PBX1: variants seen among roughly 807,000 people sequenced by gnomAD.
PBX1 encodes the protein PBX homeobox 1.
In PBX1, 6 loss-of-function variants were observed where a neutral mutation model predicts 53.4. The observed-to-expected ratio is 0.11, with a 90% CI of 0.06 to 0.22. PBX1 has a LOEUF of 0.22. Ranked by LOEUF, PBX1 falls within the 10% of genes least tolerant of loss-of-function variation. PBX1 has a pLI of 1.00. For missense variants in PBX1, 251 were observed against 551.4 expected (o/e 0.46, Z 5.46); for synonymous variants, 204 against 212.3 (o/e 0.96, Z 0.34).
At chr1:164,670,206 A>G (rs1452848830) in intron 2 of PBX1, among the ~76,000 whole-genome samples, 1 of 152,176 alleles carries the variant, frequency 6.6e-6, no homozygotes, top group Non-Finnish European at 1.5e-5. Flanking sequence ...TCCAGGGGAA[A>G]CTGCCTAGGA....
chr1:164,730,048 T>C (rs1274640669), intron 2 of PBX1, among the ~76,000 whole-genome samples: 1 of 152,204 alleles, frequency 6.6e-6, no homozygotes, highest in Non-Finnish European at 1.5e-5. Flanking sequence ...CCATTTATTG[T>C]TGGGGTAAAC....
intron 2 of PBX1, among the ~76,000 whole-genome samples, chr1:164,655,260 T>C (rs1347210698): frequency 6.6e-6 from 1 of 152,076 alleles, no homozygotes; most frequent in African/African-American, 2.4e-5. Flanking sequence ...ATTACAGGCA[T>C]GCGCCACCAC....
chr1:164,690,935 G>A (rs1376150734), intron 2 of PBX1, among the ~76,000 whole-genome samples: 1 of 152,008 alleles, frequency 6.6e-6, no homozygotes. Flanking sequence ...CCCAAATGAG[G>A]GGGAATCCTT....
intron 2 of PBX1, among the ~76,000 whole-genome samples, chr1:164,574,285 T>A (rs1247825356): frequency 6.6e-6 from 1 of 152,216 alleles, no homozygotes; most frequent in Non-Finnish European, 1.5e-5. Context: ...TACAGAGCAC[T>A]CCATGGTATG....
At chr1:164,626,061 A>G (rs1006799851) in intron 2 of PBX1, 4 of 1,036,122 alleles carry the variant, frequency 3.9e-6, no homozygotes, top group Non-Finnish European at 4.6e-6. Flanking sequence ...CAGCCCACAC[A>G]CCACCACCCC....
downstream of PBX1, chr1:164,851,946 C>T (rs1243578113): frequency 1.3e-5 from 2 of 154,256 alleles, no homozygotes; most frequent in African/African-American, 4.8e-5. Context: ...ACTGAAAAGT[C>T]TACATACTAT....
chr1:164,764,319 C>A (rs531320720), intron 2 of PBX1, among the ~76,000 whole-genome samples: 32 of 152,254 alleles, frequency 2.1e-4, no homozygotes, highest in African/African-American at 7.7e-4. Context: ...GAAAATAGAG[C>A]ACTTATATGT....
At chr1:164,802,738 G>A (rs373081325) in intron 4 of PBX1, among the ~76,000 whole-genome samples, 5 of 151,714 alleles carry the variant, frequency 3.3e-5, no homozygotes, top group Admixed American at 2.6e-4. Flanking sequence ...ACTGTACCAC[G>A]GAAGTTTAAC....
At chr1:164,828,757 A>T (rs1276086649) in intron 8 of PBX1, 2 of 152,116 alleles carry the variant, frequency 1.3e-5, no homozygotes, top group Non-Finnish European at 2.9e-5. Flanking sequence ...AAATAAGGCA[A>T]ATTAATTATG....
At chr1:164,689,061 G>A (rs1302205846) in intron 2 of PBX1, among the ~76,000 whole-genome samples, 4 of 152,208 alleles carry the variant, frequency 2.6e-5, no homozygotes, top group Admixed American at 2.6e-4. Flanking sequence ...TATCGAGCTG[G>A]GGAATGAGTA....
rs376813730 is a variant in PBX1, at chr1:164,754,801, C to T, written c.266-37693C>T. Among the ~76,000 whole-genome samples the T allele has an allele frequency of 2.0e-5, 3 of 152,244 alleles. No homozygotes were observed. In the East Asian group the frequency reaches 5.8e-4, roughly 29 times the overall value. ...TGTTGTAGGTGGTACTCCAGCTCCT[C>T]TGAAGTTTAACTTACCTAGAAGTTG... On this transcript the variant is annotated intron_variant, in intron 2 of 8. Transcript: ENST00000420696.
chr1:164,746,376 TTTCTTC>T (rs1013414435), intron 2 of PBX1, among the ~76,000 whole-genome samples: 2 of 152,066 alleles, frequency 1.3e-5, no homozygotes, highest in African/African-American at 4.8e-5. Context: ...ACTATTCTTT[TTTCTTC>T]TTCTTCTTCT....
chr1:164,624,354 G>A (rs1255670768), intron 2 of PBX1, among the ~76,000 whole-genome samples: 2 of 152,164 alleles, frequency 1.3e-5, no homozygotes, highest in Admixed American at 6.5e-5. Flanking sequence ...TCTGTATTGT[G>A]TCTATCAACA....
At chr1:164,863,608 G>T (rs1056848536) in intron 2 of PBX1, among the ~76,000 whole-genome samples, 6 of 152,214 alleles carry the variant, frequency 3.9e-5, no homozygotes, top group African/African-American at 1.4e-4. Context: ...AATTGAATTT[G>T]TCAACGGGGT....
intron 2 of PBX1, among the ~76,000 whole-genome samples, chr1:164,583,285 A>G (rs1168650767): frequency 1.8e-5 from 2 of 112,096 alleles, no homozygotes; most frequent in East Asian, 1.2e-3. Flanking sequence ...AGAGGCGGGA[A>G]AAAAAAAAAA....
At chr1:164,828,001 G>A (rs1670553023) in intron 8 of PBX1, among the ~76,000 whole-genome samples, 1 of 152,056 alleles carries the variant, frequency 6.6e-6, no homozygotes. Context: ...CTAGACCAAG[G>A]GAACTGACCA....
At chr1:164,707,414 T>TGAGA (rs1335251572) in intron 2 of PBX1, among the ~76,000 whole-genome samples, 3 of 106,696 alleles carry the variant, frequency 2.8e-5, no homozygotes, top group African/African-American at 1.4e-4. Context: ...TGTGTGTGTG[T>TGAGA]GTGTGAGAGA....
At chr1:164,649,835 A>T (rs1659683050) in intron 2 of PBX1, among the ~76,000 whole-genome samples, 1 of 152,120 alleles carries the variant, frequency 6.6e-6, no homozygotes, top group South Asian at 2.1e-4. Context: ...ATTCCTCTTA[A>T]TGCTAGTTAA....
intron 2 of PBX1, among the ~76,000 whole-genome samples, chr1:164,689,840 C>G (rs927516017): frequency 2.0e-5 from 3 of 152,124 alleles, no homozygotes; most frequent in Non-Finnish European, 2.9e-5. Flanking sequence ...GCCCTGCTCC[C>G]TACACCTATC....
Sources: gnomAD v4.1 joint callset for allele counts (sites outside exome capture counted in the v4.1 genomes callset) on GRCh38, gnomAD v4.1.1 for gene constraint, MANE v1.5 for transcripts, NCBI Gene and HGNC (gene_info 2026-07-23, HGNC 2026-07-21) for gene names.